The following RHOT1 variants were observed in gnomAD, a reference collection of about 807,000 sequenced individuals.
RHOT1 encodes mitochondrial Rho GTPase 1.
Under a neutral mutation model 95.3 loss-of-function variants are expected in RHOT1, and 27 were observed. The ratio of observed to expected loss-of-function variants is 0.28; its 90% CI spans 0.21 to 0.39. RHOT1 has a LOEUF of 0.39. Among genes scored for constraint, RHOT1 ranks in the 10% least tolerant of loss-of-function variants. The pLI is 1.00. For missense variants in RHOT1, 578 were observed against 786.7 expected (o/e 0.73, Z 3.17); for synonymous variants, 227 against 263.5 (o/e 0.86, Z 1.34).
intron 8 of RHOT1, among the ~76,000 whole-genome samples, chr17:32,187,164 G>A (rs1308091203): frequency 1.3e-5 from 2 of 151,990 alleles, no homozygotes; most frequent in African/African-American, 4.8e-5. Context: ...GCGCATACCT[G>A]TAATCCCAGC....
At chr17:32,221,770 A>C (rs2142970754) in intron 19 of RHOT1, among the ~76,000 whole-genome samples, 1 of 152,356 alleles carries the variant, frequency 6.6e-6, no homozygotes, top group African/African-American at 2.4e-5. Flanking sequence ...TTGAAATGCA[A>C]AAGAAAACTA....
At chr17:32,174,288 T>C (rs536136459) in intron 3 of RHOT1, among the ~76,000 whole-genome samples, 49 of 152,352 alleles carry the variant, frequency 3.2e-4, no homozygotes, top group African/African-American at 1.1e-3. Flanking sequence ...CATGTTGAAA[T>C]TTAAATACTT....
chr17:32,158,931 C>T (rs1333295327), intron 1 of RHOT1, among the ~76,000 whole-genome samples: 8 of 152,196 alleles, frequency 5.3e-5, no homozygotes, highest in African/African-American at 1.2e-4. Flanking sequence ...GAGGCGCAAG[C>T]GGTGGCAGCA....
chr17:32,224,869 G>T lies in RHOT1; in HGVS notation c.*136G>T. ...TAATATTTGTAATTCATGCATAAGA[G>T]TATTTTAATGATAGTTATAACTGCA... On this transcript the variant is annotated 3_prime_UTR_variant, in exon 20 of 20. Coordinates refer to ENST00000545287, the MANE Select transcript of RHOT1 (RefSeq NM_001033566.3). 1 of 552,870 alleles carries T rather than the reference G, an allele frequency of 1.8e-6. No homozygotes were observed. The highest frequency in any genetic ancestry group is 3.2e-6 in the Non-Finnish European group (1 of 310,804). The allele number at this position is 552,870 out of a possible 1,614,324, so 34.2% of individuals were successfully genotyped here. A position where few individuals can be genotyped will look rare whatever the true frequency, so the allele number is the denominator to read the frequency against.
At chr17:32,193,667 C>G (rs941281014) in intron 10 of RHOT1, among the ~76,000 whole-genome samples, 1 of 152,006 alleles carries the variant, frequency 6.6e-6, no homozygotes, top group Non-Finnish European at 1.5e-5. Flanking sequence ...GATTGAAAAC[C>G]AGAATTTTCC....
chr17:32,150,876 A>G, intron 1 of RHOT1: 1 of 1,538,422 alleles, frequency 6.5e-7, no homozygotes, highest in Non-Finnish European at 8.9e-7. Flanking sequence ...CGGGAGAAAA[A>G]GCATAAGCAC....
At chr17:32,171,393 A>G (rs1359172077) in intron 2 of RHOT1, among the ~76,000 whole-genome samples, 1 of 152,144 alleles carries the variant, frequency 6.6e-6, no homozygotes, top group African/African-American at 2.4e-5. Flanking sequence ...GCCAGTTGAG[A>G]CTTTTTAAAA....
At chr17:32,143,373 TC>T (rs1038170702) in intron 1 of RHOT1, among the ~76,000 whole-genome samples, 1 of 152,214 alleles carries the variant, frequency 6.6e-6, no homozygotes, top group African/African-American at 2.4e-5. Flanking sequence ...TTGGACTAAC[TC>T]CTCGTACTCG....
intron 18 of RHOT1, among the ~76,000 whole-genome samples, chr17:32,210,810 G>A (rs777355837): frequency 2.3e-4 from 35 of 152,032 alleles, no homozygotes; most frequent in Non-Finnish European, 4.0e-4. Flanking sequence ...GCCATCTATT[G>A]CTGTGCATAT....
chr17:32,168,314 C>CAT (rs1388207947), intron 1 of RHOT1, among the ~76,000 whole-genome samples: 5 of 152,064 alleles, frequency 3.3e-5, no homozygotes, highest in African/African-American at 1.2e-4. Flanking sequence ...GTCACCCCGG[C>CAT]TGGAGTGCAA....
At chr17:32,144,832 AC>A (rs2031061288) in intron 1 of RHOT1, among the ~76,000 whole-genome samples, 2 of 148,570 alleles carry the variant, frequency 1.3e-5, no homozygotes, top group Admixed American at 6.7e-5. Context: ...AAAAAAAAAA[AC>A]CACAACACTA....
intron 1 of RHOT1, among the ~76,000 whole-genome samples, chr17:32,148,195 G>A (rs1418160772): frequency 6.6e-6 from 1 of 152,116 alleles, no homozygotes; most frequent in Non-Finnish European, 1.5e-5. Flanking sequence ...AATCCGGGAG[G>A]CGGAGTTTGC....
At chr17:32,201,843 C>T (rs376240051) in intron 14 of RHOT1, among the ~76,000 whole-genome samples, 4 of 151,952 alleles carry the variant, frequency 2.6e-5, no homozygotes, top group Non-Finnish European at 4.4e-5. Context: ...TCTACTATCA[C>T]TAGTATCTCT....
chr17:32,159,924 C>G (rs539181037), intron 1 of RHOT1: 1 of 152,504 alleles, frequency 6.6e-6, no homozygotes, highest in African/African-American at 2.4e-5. Context: ...TTGCTGATCC[C>G]GCAGACCAGT....
At chr17:32,150,372 T>G in intron 1 of RHOT1, 1 of 384,986 alleles carries the variant, frequency 2.6e-6, no homozygotes. Context: ...TTTTTTTTCA[T>G]GTGTAAGATG....
rs2037426111 is a variant in RHOT1, at chr17:32,202,908, T to G, written c.1332+8T>G. On this transcript the variant is annotated splice_region_variant and intron_variant, in intron 15 of 19. Transcript: ENST00000545287. ...CTTGGAAGAAACTTAATGGTGAGAG[T>G]TCTCGTAAAATACAATTTTATCCAA... The G allele has an allele frequency of 6.2e-7, 1 of 1,606,038 alleles. No individual in the cohort carries two copies. The highest frequency in any genetic ancestry group is 1.3e-5 in the African/African-American group (1 of 74,406).
intron 2 of RHOT1, among the ~76,000 whole-genome samples, chr17:32,171,500 C>G (rs1459465298): frequency 6.6e-6 from 1 of 152,212 alleles, no homozygotes; most frequent in Non-Finnish European, 1.5e-5. Flanking sequence ...CATTTTCTTC[C>G]TTTGACTTTG....
intron 1 of RHOT1, among the ~76,000 whole-genome samples, chr17:32,152,666 G>A (rs1257351550): frequency 6.6e-6 from 1 of 152,060 alleles, no homozygotes; most frequent in Non-Finnish European, 1.5e-5. Flanking sequence ...GAACTTCAAG[G>A]GGAACAAAAC....
At chr17:32,194,144 T>C (rs753341556) in intron 11 of RHOT1, 37 bp downstream of exon 11, 2 of 1,596,028 alleles carry the variant, frequency 1.3e-6, no homozygotes, top group South Asian at 1.1e-5. Context: ...TGTTGTTGTT[T>C]AATTTTTTAT....
Sources: gnomAD v4.1 joint callset for allele counts (sites outside exome capture counted in the v4.1 genomes callset) on GRCh38, gnomAD v4.1.1 for gene constraint, MANE v1.5 for transcripts, NCBI Gene and HGNC (gene_info 2026-07-23, HGNC 2026-07-21) for gene names.